MSI2: variants seen among roughly 807,000 people sequenced by gnomAD.
MSI2 encodes the protein RNA-binding protein Musashi homolog 2.
Under a neutral mutation model 45.6 loss-of-function variants are expected in MSI2, and 17 were observed. That is an observed-to-expected ratio of 0.37 (90% CI 0.26 to 0.56). The LOEUF is 0.56. MSI2 is among the 20% of genes least tolerant of loss of function. The pLI is 0.77. For synonymous variants in MSI2, 156 were observed against 158.2 expected, an observed-to-expected ratio of 0.99 and a Z score of 0.11; for missense variants, 293 against 444.2, an observed-to-expected ratio of 0.66 and a Z score of 3.06.
intron 10 of MSI2, among the ~76,000 whole-genome samples, chr17:57,647,818 T>G (rs1355076693): frequency 6.6e-6 from 1 of 151,724 alleles, no homozygotes; most frequent in Non-Finnish European, 1.5e-5. Context: ...ATTTTTGTAT[T>G]TTTAGTAGAG....
At chr17:57,427,586 A>C (rs536174021) in intron 6 of MSI2, among the ~76,000 whole-genome samples, 81 of 152,268 alleles carry the variant, frequency 5.3e-4, no homozygotes, top group Middle Eastern at 3.4e-3. Context: ...TAAGGCTGAA[A>C]TGAGGCCACG....
chr17:57,440,988 C>T (rs1455664454), intron 6 of MSI2, among the ~76,000 whole-genome samples: 3 of 152,208 alleles, frequency 2.0e-5, no homozygotes, highest in Non-Finnish European at 4.4e-5. Flanking sequence ...CTCTGGCCAG[C>T]TTGCTCCTGT....
intron 7 of MSI2, among the ~76,000 whole-genome samples, chr17:57,569,886 G>A (rs1294843221): frequency 6.6e-6 from 1 of 152,170 alleles, no homozygotes; most frequent in Non-Finnish European, 1.5e-5. Flanking sequence ...TCCTAAGATG[G>A]TGTAGCAGGA....
intron 10 of MSI2, among the ~76,000 whole-genome samples, chr17:57,648,206 G>A (rs1469916670): frequency 6.7e-6 from 1 of 149,096 alleles, no homozygotes; most frequent in Non-Finnish European, 1.5e-5. Flanking sequence ...GTTTTCCCAT[G>A]TTGGCCAGGC....
intron 5 of MSI2, among the ~76,000 whole-genome samples, chr17:57,335,651 A>G (rs1914640295): frequency 6.6e-6 from 1 of 152,224 alleles, no homozygotes; most frequent in South Asian, 2.1e-4. Flanking sequence ...AAATGCTGAG[A>G]TGTGTGTATA....
intron 5 of MSI2, among the ~76,000 whole-genome samples, chr17:57,393,989 A>G (rs1408307783): frequency 6.6e-6 from 1 of 152,164 alleles, no homozygotes; most frequent in Non-Finnish European, 1.5e-5. Context: ...GCCTGGTAAC[A>G]CTATGTTTAA....
chr17:57,303,415 A>G (rs758199327), intron 5 of MSI2, among the ~76,000 whole-genome samples: 2 of 152,258 alleles, frequency 1.3e-5, no homozygotes, highest in Non-Finnish European at 2.9e-5. Context: ...GTGAGAAAGC[A>G]TGTTTAGAAA....
chr17:57,614,272 C>T (rs1193876350), intron 8 of MSI2, among the ~76,000 whole-genome samples: 4 of 152,142 alleles, frequency 2.6e-5, no homozygotes, highest in South Asian at 4.1e-4. Context: ...AGGCTGGTCT[C>T]GAACTCCTGG....
chr17:57,591,030 C>T (rs1371283510), intron 7 of MSI2, among the ~76,000 whole-genome samples: 3 of 152,232 alleles, frequency 2.0e-5, no homozygotes, highest in Non-Finnish European at 2.9e-5. Flanking sequence ...GACTAGAATC[C>T]TCACTCTGTC....
intron 5 of MSI2, among the ~76,000 whole-genome samples, chr17:57,285,174 G>A (rs1909765033): frequency 6.6e-6 from 1 of 152,148 alleles, no homozygotes; most frequent in Non-Finnish European, 1.5e-5. Flanking sequence ...GGGACCCTGA[G>A]GCACATACTG....
intron 5 of MSI2, chr17:57,264,014 C>G (rs1436013953): frequency 1.3e-5 from 2 of 152,272 alleles, no homozygotes; most frequent in African/African-American, 4.8e-5. Context: ...CCCTAACCTT[C>G]TCTCAGTCTC....
chr17:57,322,271 C>T (rs1055964473), intron 5 of MSI2, among the ~76,000 whole-genome samples: 3 of 152,126 alleles, frequency 2.0e-5, no homozygotes, highest in South Asian at 2.1e-4. Flanking sequence ...TGGTCCTGAG[C>T]GCAGGAGGCA....
intron 6 of MSI2, among the ~76,000 whole-genome samples, chr17:57,521,131 G>A (rs970192519): frequency 6.6e-6 from 1 of 152,168 alleles, no homozygotes; most frequent in African/African-American, 2.4e-5. Context: ...AACTCCAAGC[G>A]CACCTTCATC....
chr17:57,511,400 C>T (rs373113020), intron 6 of MSI2, among the ~76,000 whole-genome samples: 11 of 152,192 alleles, frequency 7.2e-5, no homozygotes, highest in African/African-American at 2.7e-4. Context: ...ACCCACCCCA[C>T]ACTTACCCAG....
At chr17:57,590,150 C>A (rs1317415799) in intron 7 of MSI2, among the ~76,000 whole-genome samples, 1 of 151,466 alleles carries the variant, frequency 6.6e-6, no homozygotes, top group Non-Finnish European at 1.5e-5. Context: ...TTTTTTTTCT[C>A]CATTAACCAA....
intron 5 of MSI2, among the ~76,000 whole-genome samples, chr17:57,316,602 A>G (rs1480517215): frequency 6.6e-6 from 1 of 152,250 alleles, no homozygotes; most frequent in Non-Finnish European, 1.5e-5. Context: ...CTGGGATTAC[A>G]GGCGTGAGCC....
chr17:57,443,761 C>G (rs1217813008), intron 6 of MSI2, among the ~76,000 whole-genome samples: 1 of 152,166 alleles, frequency 6.6e-6, no homozygotes, highest in Non-Finnish European at 1.5e-5. Flanking sequence ...TTTCACCTCT[C>G]TGTACCTCAG....
intron 5 of MSI2, among the ~76,000 whole-genome samples, chr17:57,302,156 A>G (rs1286560713): frequency 6.6e-6 from 1 of 152,168 alleles, no homozygotes; most frequent in Non-Finnish European, 1.5e-5. Context: ...GGTACATACG[A>G]TATTTTGATA....
chr17:57,554,286 A>C (rs920786452), intron 7 of MSI2, among the ~76,000 whole-genome samples: 5 of 152,112 alleles, frequency 3.3e-5, no homozygotes, highest in Non-Finnish European at 5.9e-5. Flanking sequence ...CAAGGTAATT[A>C]GACTTGGTGC....
Sources: gnomAD v4.1 joint callset for allele counts (sites outside exome capture counted in the v4.1 genomes callset) on GRCh38, gnomAD v4.1.1 for gene constraint, MANE v1.5 for transcripts, NCBI Gene and HGNC (gene_info 2026-07-23, HGNC 2026-07-21) for gene names.